The following MGAT5B variants were observed in gnomAD, a reference collection of about 807,000 sequenced individuals.
The protein encoded by MGAT5B is N-acetylglucosaminyl-transferase Vb.
In MGAT5B, 54 loss-of-function variants were observed where a neutral mutation model predicts 95.1. The observed-to-expected ratio is 0.57, with a 90% CI of 0.46 to 0.71. The LOEUF is 0.71. Ranked by LOEUF, MGAT5B falls within the 30% of genes least tolerant of loss-of-function variation. MGAT5B has a pLI of 0.00. For missense variants in MGAT5B, 935 were observed against 1,088.6 expected (o/e 0.86, Z 1.99); for synonymous variants, 464 against 451.0 (o/e 1.03, Z -0.36).
intron 8 of MGAT5B, among the ~76,000 whole-genome samples, chr17:76,907,708 T>C (rs1214590397): frequency 6.6e-6 from 1 of 152,238 alleles, no homozygotes; most frequent in Non-Finnish European, 1.5e-5. Context: ...TGTAAGTTTT[T>C]CTGGGTATAG....
chr17:76,912,332 AGCACCCAGGGCCTCACCTCTCAGCC>A lies in MGAT5B; in HGVS notation c.1025+6146_1025+6170del, dbSNP rs1968770937. On this transcript the variant is annotated intron_variant, in intron 8 of 17. Transcript: ENST00000569840. This position sits in a 1 kb window ranked among gnomAD's most constrained non-coding sequence, Gnocchi z 5.0. ...CGCGAGCCCTTCAGGGAGAGGCAGA[AGCACCCAGGGCCTCACCTCTCAGCC>A]CTGGGAGCCGTTCTGTGGGAGCAGC... Among the ~76,000 whole-genome samples the A allele has an allele frequency of 6.6e-6, 1 of 152,148 alleles. No individual in the cohort carries two copies. Among genetic ancestry groups the A allele is most frequent in the Non-Finnish European group, 1.5e-5 (1 of 68,028 alleles).
chr17:76,926,602 G>T lies in MGAT5B; in HGVS notation c.1163G>T (p.Arg388Leu). Reference protein sequence around the residue: ...MGLSFKKYRCRIRVIDTFGTE... With the variant: ...MGLSFKKYRCLIRVIDTFGTE... ...CTGGTCCCCTGGGGGGGCAGGTGCC[G>T]AATCAGGGTCATCGACACCTTCGGG... is the stretch of plus-strand genomic sequence containing the variant. Residue 388 changes from arginine to leucine, a missense_variant, in exon 10 of 18, where the codon CGA (arginine) becomes CTA (leucine). Arg to Leu is a moderately radical substitution (Grantham distance 102). Coordinates refer to ENST00000569840, the MANE Select transcript of MGAT5B (RefSeq NM_001199172.2). 2 of 1,610,902 alleles carry T rather than the reference G, an allele frequency of 1.2e-6. No homozygotes were observed. The highest frequency in any genetic ancestry group is 1.7e-6 in the Non-Finnish European group (2 of 1,178,868).
At chr17:76,925,716 C>T (rs1420671305) in intron 9 of MGAT5B, among the ~76,000 whole-genome samples, 1 of 152,192 alleles carries the variant, frequency 6.6e-6, no homozygotes, top group Non-Finnish European at 1.5e-5. Flanking sequence ...CGGCTCTCTC[C>T]TCCCACCCCG....
At position 76,889,362 on chromosome 17, in the gene MGAT5B, C is replaced by T. The variant is rs969739907; in HGVS notation, c.329+7064C>T. On this transcript the variant is annotated intron_variant, in intron 3 of 17. Transcript: ENST00000569840. The surrounding 1 kb of genome is among the most constrained non-coding windows in gnomAD (Gnocchi z 4.4). ...TGGGCCCACCAAGGGGTGGCTCCAGCAGGCAGGGAGGGAAGAGCTCTCAGG... is the reference window on the plus strand; with the variant it reads ...TGGGCCCACCAAGGGGTGGCTCCAGTAGGCAGGGAGGGAAGAGCTCTCAGG... Among the ~76,000 whole-genome samples the T allele has an allele frequency of 1.3e-5, 2 of 152,106 alleles. No homozygotes were observed. The highest frequency in any genetic ancestry group is 2.9e-5 in the Non-Finnish European group (2 of 68,006).
chr17:76,944,901 TCAAA>T (rs1263964791), intron 15 of MGAT5B, among the ~76,000 whole-genome samples: 3 of 152,118 alleles, frequency 2.0e-5, no homozygotes, highest in African/African-American at 4.8e-5. Flanking sequence ...CAGGCTTGAG[TCAAA>T]CAGTTAGATT....
Position 76,917,564 on chromosome 17 carries a change from C to T in MGAT5B, c.1026-7402C>T, listed in dbSNP as rs544114988. 3.9e-5 allele frequency among the ~76,000 whole-genome samples: 6 copies of T among 152,270 alleles called. No homozygotes were observed. The South Asian group carries it at 1.2e-3, about 32-fold the overall frequency. On this transcript the variant is annotated intron_variant, in intron 8 of 17. Coordinates refer to ENST00000569840, the MANE Select transcript of MGAT5B (RefSeq NM_001199172.2). This position sits in a 1 kb window ranked among gnomAD's most constrained non-coding sequence, Gnocchi z 6.1. ...CCTGCAAGCCAGACTGCTTTTTCCT[C>T]GGCATCTCTAGCGTGGAGCCAGCGG...
chr17:76,891,269 G>A (rs1967857715), intron 3 of MGAT5B, among the ~76,000 whole-genome samples: 3 of 152,166 alleles, frequency 2.0e-5, no homozygotes, highest in South Asian at 4.2e-4. Flanking sequence ...CCAGTCAGGG[G>A]CCTCTTATAA....
At position 76,940,446 on chromosome 17, in the gene MGAT5B, G is replaced by A. The variant is rs773602934; in HGVS notation, c.1629G>A (p.Leu543=). The part of the protein sequence containing the change: ...FGFPYEGPAP[L]EAIANGCIFL... Reference sequence around the variant, plus strand: ...TCCCCTACGAGGGCCCCGCCCCCCTGGAGGCCATCGCCAATGGTTGCATCT... The same window carrying A: ...TCCCCTACGAGGGCCCCGCCCCCCTAGAGGCCATCGCCAATGGTTGCATCT... The change falls in exon 14 of 18, where the codon CTG becomes CTA. Residue 543 remains leucine (L), a synonymous_variant. Coordinates refer to ENST00000569840, the MANE Select transcript of MGAT5B (RefSeq NM_001199172.2). The surrounding 1 kb of genome is among the most constrained non-coding windows in gnomAD (Gnocchi z 4.3). 4.3e-6 allele frequency: 7 copies of A among 1,613,690 alleles called. No homozygotes were observed. Among genetic ancestry groups the A allele is most frequent in the Non-Finnish European group, 5.9e-6 (7 of 1,179,826 alleles).
chr17:76,933,672 G>A (rs2145259473), intron 12 of MGAT5B, among the ~76,000 whole-genome samples: 1 of 152,340 alleles, frequency 6.6e-6, no homozygotes, highest in African/African-American at 2.4e-5. Flanking sequence ...CATCAGGCCT[G>A]TTACATGATT....
rs1484812249 is a variant in MGAT5B, at chr17:76,915,573, G to A, written c.1025+9386G>A. On this transcript the variant is annotated intron_variant, in intron 8 of 17. Coordinates refer to ENST00000569840, the MANE Select transcript of MGAT5B (RefSeq NM_001199172.2). The surrounding 1 kb of genome is among the most constrained non-coding windows in gnomAD (Gnocchi z 8.7). ...TGTTAAGGCTTGATGAGGCTGGGAA[G>A]TGGGCGCATTGGAGCATTATATGAT... 6.6e-6 allele frequency among the ~76,000 whole-genome samples: 1 copy of A among 152,198 alleles called. No homozygotes were observed. The highest frequency in any genetic ancestry group is 2.4e-5 in the African/African-American group (1 of 41,452).
rs552479482 is a variant in MGAT5B, at chr17:76,890,932, G to A, written c.329+8634G>A. 1.5e-4 allele frequency among the ~76,000 whole-genome samples: 23 copies of A among 151,064 alleles called. No homozygotes were observed. The South Asian group carries it at 4.8e-3, about 32-fold the overall frequency. ...CTTCTTGCTGTGTCTTCACACAGTG[G>A]GAAGAGGCTGAGAGAGCTCTCTGGG... On this transcript the variant is annotated intron_variant, in intron 3 of 17. Transcript: ENST00000569840.
chr17:76,901,360 C>T (rs1037827099), intron 3 of MGAT5B, among the ~76,000 whole-genome samples: 3 of 150,902 alleles, frequency 2.0e-5, no homozygotes, highest in Non-Finnish European at 4.4e-5. Context: ...CCTGCAAAGC[C>T]ACGGGGTGAG....
chr17:76,897,660 A>ACCTTCTTTCTTT (rs1385091778), intron 3 of MGAT5B, among the ~76,000 whole-genome samples: 1,387 of 69,238 alleles, frequency 0.02, 71 homozygotes, highest in East Asian at 0.098. Flanking sequence ...AAGTAAGGCC[A>ACCTTCTTTCTTT]CTTTCTTTCT....
At position 76,870,040 on chromosome 17, in the gene MGAT5B, G is replaced by A. The variant is rs1274891893; in HGVS notation, c.68+943G>A. Among the ~76,000 whole-genome samples, 1 of 152,218 alleles carries A rather than the reference G, an allele frequency of 6.6e-6. No individual in the cohort carries two copies. The highest frequency in any genetic ancestry group is 1.9e-4 in the East Asian group (1 of 5,196). On this transcript the variant is annotated intron_variant, in intron 1 of 17. Coordinates refer to ENST00000569840, the MANE Select transcript of MGAT5B (RefSeq NM_001199172.2). This position sits in a 1 kb window ranked among gnomAD's most constrained non-coding sequence, Gnocchi z 5.0. ...AGGAAGCTGGGGGAGTGACCGCCCC[G>A]GCGCGGGGGCCGGACTCGGGACGTG... is the stretch of plus-strand genomic sequence containing the variant.
intron 3 of MGAT5B, among the ~76,000 whole-genome samples, chr17:76,885,124 G>C (rs376428911): frequency 6.6e-6 from 1 of 152,162 alleles, no homozygotes; most frequent in African/African-American, 2.4e-5. Flanking sequence ...CAGTGAGGCC[G>C]TGGTGGAGAT....
At chr17:76,908,272 C>CTTT (rs34430112) in intron 8 of MGAT5B, among the ~76,000 whole-genome samples, 1 of 128,274 alleles carries the variant, frequency 7.8e-6, no homozygotes. Context: ...CTCTTTCTTT[C>CTTT]TTCTTTTTTT....
Position 76,947,606 on chromosome 17 carries a change from T to C in MGAT5B, c.1924-224T>C, listed in dbSNP as rs529756082. On this transcript the variant is annotated intron_variant, in intron 16 of 17. Transcript: ENST00000569840. ...GTTCTGCCATCCAACCCCAAGGCCCTGGGCGGATGCCGTGACCTCTGAGCC... is the reference window on the plus strand; with the variant it reads ...GTTCTGCCATCCAACCCCAAGGCCCCGGGCGGATGCCGTGACCTCTGAGCC... 8.5e-5 allele frequency among the ~76,000 whole-genome samples: 13 copies of C among 152,308 alleles called. No homozygotes were observed. In the South Asian group the frequency reaches 1.9e-3, roughly 22 times the overall value.
chr17:76,920,147 G>C (rs1405298762), intron 8 of MGAT5B, among the ~76,000 whole-genome samples: 1 of 152,180 alleles, frequency 6.6e-6, no homozygotes, highest in Non-Finnish European at 1.5e-5. Context: ...CCCAAGCACT[G>C]GCTGTTGGCA....
chr17:76,927,093 C>T (rs1436405663), intron 10 of MGAT5B, among the ~76,000 whole-genome samples: 1 of 152,116 alleles, frequency 6.6e-6, no homozygotes, highest in Non-Finnish European at 1.5e-5. Flanking sequence ...GAGAACTTCC[C>T]TGGGTAGAAA....
Sources: allele counts gnomAD v4.1 joint callset (sites outside exome capture counted in the v4.1 genomes callset), GRCh38; gene constraint gnomAD v4.1.1; non-coding constraint Gnocchi (gnomAD v3.1); transcripts MANE v1.5; gene names NCBI Gene and HGNC (gene_info 2026-07-23, HGNC 2026-07-21).